P2RX5: variants seen among roughly 807,000 people sequenced by gnomAD.
P2RX5 encodes purinergic receptor P2X 5, also known as P2X purinoceptor 5.
P2RX5 carries 46 observed loss-of-function variants against 54.1 expected under a neutral mutation model. That is an observed-to-expected ratio of 0.85 (90% confidence interval 0.67 to 1.09). The LOEUF is 1.09. Among genes scored for constraint, P2RX5 ranks in the 50% least tolerant of loss-of-function variants. The pLI is 0.00. For synonymous variants in P2RX5, 226 were observed against 226.4 expected, an observed-to-expected ratio of 1.00 and a Z score of 0.02; for missense variants, 566 against 549.8, an observed-to-expected ratio of 1.03 and a Z score of -0.29.
chr17:3,718,728 A>C, the P2RX5 span, among the ~76,000 whole-genome samples: 2 of 152,358 alleles, frequency 1.3e-5, no homozygotes, highest in East Asian at 3.9e-4. Context: ...AAATGTGCAC[A>C]TAAGAAACTT....
intron 11 of P2RX5, among the ~76,000 whole-genome samples, chr17:3,679,062 G>A (rs148225469): frequency 2.0e-5 from 3 of 152,200 alleles, no homozygotes; most frequent in African/African-American, 4.8e-5. Flanking sequence ...AGGGGCTGAG[G>A]GGGGGTCATC....
At chr17:3,702,833 G>A in the P2RX5 span, among the ~76,000 whole-genome samples, 1 of 152,214 alleles carries the variant, frequency 6.6e-6, no homozygotes, top group Non-Finnish European at 1.5e-5. Flanking sequence ...TACCCAGCCT[G>A]CCATTTTCTT....
At chr17:3,716,919 T>A in the P2RX5 span, 2 of 618,870 alleles carry the variant, frequency 3.2e-6, no homozygotes, top group Non-Finnish European at 5.7e-6. Context: ...TGATCAAAGC[T>A]GATGACAGTA....
At chr17:3,717,155 A>G in the P2RX5 span, 2 of 198,598 alleles carry the variant, frequency 1.0e-5, no homozygotes, top group Non-Finnish European at 2.1e-5. Flanking sequence ...ACACTGCTCT[A>G]TGTCCCTGAG....
At chr17:3,714,546 A>G in the P2RX5 span, 1 of 233,378 alleles carries the variant, frequency 4.3e-6, no homozygotes, top group Non-Finnish European at 8.2e-6. Flanking sequence ...ATTTTTTAAA[A>G]ATAAGAATGA....
intron 6 of P2RX5, 24 bp downstream of exon 6, chr17:3,690,046 C>A (rs768481678): frequency 6.2e-7 from 1 of 1,605,778 alleles, no homozygotes; most frequent in African/African-American, 1.3e-5. Flanking sequence ...CCACCCGTGG[C>A]CCCCAGTAGC....
chr17:3,717,370 G>C, the P2RX5 span: 19 of 152,298 alleles, frequency 1.2e-4, 1 homozygote. Flanking sequence ...CATAATAAAT[G>C]CAAATTATAT....
intron 11 of P2RX5, 108 bp from the exon 12 acceptor site, chr17:3,673,985 A>G: frequency 2.0e-6 from 2 of 1,011,254 alleles, no homozygotes; most frequent in South Asian, 2.7e-5. Context: ...GAAAAGAGCT[A>G]CAGTTCATGC....
At chr17:3,690,880 C>G (rs2050595404) in intron 3 of P2RX5, 76 bp downstream of exon 3, 1 of 1,366,028 alleles carries the variant, frequency 7.3e-7, no homozygotes, top group Non-Finnish European at 1.0e-6. Context: ...GACACCCTTG[C>G]TTCAGAAGAG....
In P2RX5 at chr17:3,673,732, C is replaced by G; in HGVS notation, c.*136G>C. On this transcript the variant is annotated 3_prime_UTR_variant, in exon 12 of 12. Coordinates refer to ENST00000225328, the MANE Select transcript of P2RX5 (RefSeq NM_002561.4). The stretch of plus-strand genomic sequence containing the variant: ...GTCACTTTGCTCTGTGATGGCTGGT[C>G]CCTGTGATGTGGCATTGATAGCACC... 1 of 1,602,438 alleles carries G rather than the reference C, an allele frequency of 6.2e-7. No homozygotes were observed. The highest frequency in any genetic ancestry group is 2.2e-5 in the East Asian group (1 of 44,566).
chr17:3,714,835 G>A, the P2RX5 span: 1 of 1,534,248 alleles, frequency 6.5e-7, no homozygotes. Context: ...CTCTCCCAGT[G>A]GATAGCAGGT....
chr17:3,721,402 G>T, the P2RX5 span, among the ~76,000 whole-genome samples: 1 of 149,548 alleles, frequency 6.7e-6, no homozygotes, highest in African/African-American at 2.5e-5. Flanking sequence ...CTCCCAAGTA[G>T]CTGGGACTAC....
intron 11 of P2RX5, chr17:3,677,264 A>G (rs1342180194): frequency 1.0e-6 from 1 of 984,980 alleles, no homozygotes; most frequent in Non-Finnish European, 1.2e-6. Context: ...GCCTCTGAGG[A>G]GGGGTGGGGA....
chr17:3,716,865 A>G, the P2RX5 span: 1 of 898,058 alleles, frequency 1.1e-6, no homozygotes, highest in East Asian at 2.4e-5. Context: ...CCTACATGTT[A>G]TTTTAAGGAG....
upstream of P2RX5, among the ~76,000 whole-genome samples, chr17:3,699,858 AAAG>A (rs2050803349): frequency 2.0e-5 from 1 of 49,644 alleles, no homozygotes; most frequent in South Asian, 8.7e-4. Flanking sequence ...AAGAAAAAAG[AAAG>A]AAAGAAAGAA....
chr17:3,690,979 G>T lies in P2RX5; in HGVS notation c.337C>A (p.Gln113Lys), dbSNP rs545540886. The T allele has an allele frequency of 8.4e-6, 13 of 1,555,116 alleles. No individual in the cohort carries two copies. The highest frequency in any genetic ancestry group is 1.1e-5 in the Non-Finnish European group (13 of 1,146,558). The change falls in exon 3 of 12, where the codon CAG becomes AAG. Residue 113 changes from glutamine to lysine, a missense_variant. Physicochemically the swap from Gln to Lys is moderately conservative, Grantham distance 53. Transcript: ENST00000225328. ...ACCTCAGCACAGACGTTCTGCCGCT[G>T]GTTGGGGGTCACAATCAGGTTGGTG... ...VVTNLIVTPN[Q>K]RQNVCAENEG...
intron 5 of P2RX5, 63 bp from the exon 6 acceptor site, chr17:3,690,213 T>C (rs1450599813): frequency 2.0e-6 from 3 of 1,468,604 alleles, no homozygotes; most frequent in South Asian, 1.1e-5. Flanking sequence ...CCCCCAGGCC[T>C]GGGCCAGTGT....
chr17:3,684,236 G>A (rs370426280), intron 9 of P2RX5, among the ~76,000 whole-genome samples: 3 of 152,380 alleles, frequency 2.0e-5, no homozygotes, highest in African/African-American at 7.2e-5. Context: ...AGCCAGCTGG[G>A]ATTTTGCTCC....
At chr17:3,702,462 G>A in the P2RX5 span, among the ~76,000 whole-genome samples, 1 of 152,326 alleles carries the variant, frequency 6.6e-6, no homozygotes, top group African/African-American at 2.4e-5. Context: ...CAAGCCAGCA[G>A]TGGCAACCTG....
Sources: gnomAD v4.1 joint callset for allele counts (sites outside exome capture counted in the v4.1 genomes callset) on GRCh38, gnomAD v4.1.1 for gene constraint, MANE v1.5 for transcripts, NCBI Gene and HGNC (gene_info 2026-07-23, HGNC 2026-07-21) for gene names.